Variants in NFIA observed in about 807,000 individuals in gnomAD.
The protein encoded by NFIA is nuclear factor I A.
Under a neutral mutation model 62.8 loss-of-function variants are expected in NFIA, and 8 were observed. That is an observed-to-expected ratio of 0.13 (90% CI 0.07 to 0.23). The LOEUF (loss-of-function observed/expected upper bound fraction) is 0.23. Ranked by LOEUF, NFIA falls within the 10% of genes least tolerant of loss-of-function variation. The probability of loss-of-function intolerance (pLI) is 1.00; values close to 1 mark genes in which losing one functional copy is unlikely to be tolerated. For synonymous variants in NFIA, 235 were observed against 238.1 expected, an observed-to-expected ratio of 0.99 and a Z score of 0.12; for missense variants, 410 against 642.1, an observed-to-expected ratio of 0.64 and a Z score of 3.91.
chr1:61,311,083 A>G (rs2363875), intron 3 of NFIA, among the ~76,000 whole-genome samples: 34,891 of 152,116 alleles, frequency 0.23, 4,317 homozygotes, highest in Middle Eastern at 0.27. Context: ...GTTTTCTGAA[A>G]GTAATTTTAA....
chr1:61,366,330 A>T (rs1663585913), intron 6 of NFIA, among the ~76,000 whole-genome samples: 1 of 152,204 alleles, frequency 6.6e-6, no homozygotes, highest in Non-Finnish European at 1.5e-5. Context: ...AAAAAATGAA[A>T]TTACAGTACT....
intron 4 of NFIA, among the ~76,000 whole-genome samples, chr1:61,336,711 A>G (rs964846569): frequency 1.3e-5 from 2 of 152,058 alleles, no homozygotes; most frequent in African/African-American, 4.8e-5. Flanking sequence ...TACTCTCTCC[A>G]TAGTTATGCC....
At chr1:61,106,100 CATCTATCTATCT>C (rs58274631) in intron 2 of NFIA, among the ~76,000 whole-genome samples, 11 of 149,046 alleles carry the variant, frequency 7.4e-5, no homozygotes, top group Non-Finnish European at 1.2e-4. Context: ...CTCTCTCATG[CATCTATCTATCT>C]ATCTATCTAT....
intron 2 of NFIA, among the ~76,000 whole-genome samples, chr1:61,101,899 A>G (rs908384806): frequency 1.3e-5 from 2 of 152,202 alleles, no homozygotes; most frequent in Non-Finnish European, 2.9e-5. Flanking sequence ...AAAATATGAG[A>G]GAACTATTGC....
chr1:61,082,353 GCCCCCTCCCCCACA>G (rs1553148372), upstream of NFIA: 3 of 370,682 alleles, frequency 8.1e-6, no homozygotes, highest in Non-Finnish European at 1.1e-5. Flanking sequence ...CGCCGCAGCC[GCCCCCTCCCCCACA>G]CCCCCTCCCC....
At chr1:61,271,775 T>G (rs1657522293) in intron 2 of NFIA, among the ~76,000 whole-genome samples, 1 of 152,260 alleles carries the variant, frequency 6.6e-6, no homozygotes, top group Non-Finnish European at 1.5e-5. Context: ...CATTAATTAC[T>G]GCAGTTACCG....
intron 2 of NFIA, among the ~76,000 whole-genome samples, chr1:61,133,565 A>G (rs1647121306): frequency 6.6e-6 from 1 of 152,234 alleles, no homozygotes; most frequent in African/African-American, 2.4e-5. Context: ...ATGAATGTAA[A>G]TTGACAGCAT....
intron 10 of NFIA, among the ~76,000 whole-genome samples, chr1:61,438,428 A>G (rs566358601): frequency 6.6e-6 from 1 of 152,294 alleles, no homozygotes; most frequent in East Asian, 1.9e-4. Flanking sequence ...ACCACAAAGA[A>G]GAAACAGAAA....
At chr1:61,392,664 G>A (rs762156158) in intron 7 of NFIA, among the ~76,000 whole-genome samples, 11 of 152,162 alleles carry the variant, frequency 7.2e-5, no homozygotes, top group Non-Finnish European at 1.2e-4. Context: ...GGGTTAATTT[G>A]TCATCCCTGC....
At chr1:61,112,013 A>G (rs1000936950) in intron 2 of NFIA, among the ~76,000 whole-genome samples, 1 of 152,150 alleles carries the variant, frequency 6.6e-6, no homozygotes, top group African/African-American at 2.4e-5. Flanking sequence ...TTACACAAGC[A>G]TAATTTAAGT....
intron 2 of NFIA, among the ~76,000 whole-genome samples, chr1:61,173,343 T>C (rs1332184001): frequency 1.3e-5 from 2 of 152,208 alleles, no homozygotes; most frequent in Non-Finnish European, 2.9e-5. Context: ...TGTGTGATCA[T>C]GGGCAAGTCA....
intron 2 of NFIA, among the ~76,000 whole-genome samples, chr1:61,238,806 G>A (rs1655154926): frequency 6.6e-6 from 1 of 152,112 alleles, no homozygotes; most frequent in African/African-American, 2.4e-5. Context: ...AACCTTTGGT[G>A]TCTGGGCTTC....
intron 2 of NFIA, among the ~76,000 whole-genome samples, chr1:61,184,920 A>C (rs1651050857): frequency 1.3e-5 from 2 of 152,236 alleles, no homozygotes; most frequent in Non-Finnish European, 2.9e-5. Context: ...CATAACACAC[A>C]GTTCTCTGAC....
At chr1:61,141,251 A>T (rs779525830) in intron 2 of NFIA, among the ~76,000 whole-genome samples, 1 of 152,126 alleles carries the variant, frequency 6.6e-6, no homozygotes. Context: ...CCTGCTCAGC[A>T]TGAAAAAAAC....
intron 2 of NFIA, among the ~76,000 whole-genome samples, chr1:61,244,624 C>G (rs1655534348): frequency 6.6e-6 from 1 of 152,148 alleles, no homozygotes; most frequent in Non-Finnish European, 1.5e-5. Context: ...GTCAGACATT[C>G]TCAGAAGAGT....
chr1:61,283,448 G>T lies in NFIA; in HGVS notation c.625+5863G>T, dbSNP rs1051964346. Reference sequence around the variant, plus strand: ...AAAAAAAAAATTAACCGGGCGTGATGGCAGATGCTTGTAATCCTAGCCACT... The same window carrying T: ...AAAAAAAAAATTAACCGGGCGTGATTGCAGATGCTTGTAATCCTAGCCACT... On this transcript the variant is annotated intron_variant, in intron 3 of 10. Transcript: ENST00000403491. 1.2e-4 allele frequency among the ~76,000 whole-genome samples: 18 copies of T among 151,516 alleles called. No homozygotes were observed. The East Asian group carries it at 3.3e-3, about 28-fold the overall frequency.
At chr1:61,267,365 C>G (rs974581569) in intron 2 of NFIA, among the ~76,000 whole-genome samples, 1 of 152,050 alleles carries the variant, frequency 6.6e-6, no homozygotes, top group Non-Finnish European at 1.5e-5. Context: ...CAAAAATTAG[C>G]TGGGCGTGGT....
intron 2 of NFIA, among the ~76,000 whole-genome samples, chr1:61,131,506 G>A (rs80009490): frequency 0.03 from 4,585 of 152,172 alleles, 236 homozygotes; most frequent in African/African-American, 0.098. Context: ...GGCCCCTAAT[G>A]TCTAAGCTAC....
chr1:61,082,469 C>A, upstream of NFIA: 1 of 1,065,204 alleles, frequency 9.4e-7, no homozygotes, highest in Non-Finnish European at 1.1e-6. Flanking sequence ...GGGCACCCGG[C>A]CGGGCCGGCG....
Sources: gnomAD v4.1 joint callset for allele counts (sites outside exome capture counted in the v4.1 genomes callset) on GRCh38, gnomAD v4.1.1 for gene constraint, MANE v1.5 for transcripts, NCBI Gene and HGNC (gene_info 2026-07-23, HGNC 2026-07-21) for gene names.